The following TENM3 variants were observed in gnomAD, a reference collection of about 807,000 sequenced individuals.
TENM3 encodes the protein teneurin-3.
In TENM3, 63 loss-of-function variants were observed where a neutral mutation model predicts 255.1. That is an observed-to-expected ratio of 0.25 (90% CI 0.20 to 0.30). TENM3 has a LOEUF of 0.30. TENM3 is among the 10% of genes least tolerant of loss of function. TENM3 has a pLI of 1.00. For synonymous variants in TENM3, 1,306 were observed against 1,322.3 expected, an observed-to-expected ratio of 0.99 and a Z score of 0.27; for missense variants, 2,929 against 3,461.1, an observed-to-expected ratio of 0.85 and a Z score of 3.86.
intron 8 of TENM3, 97 bp from the exon 9 acceptor site, chr4:182,680,151 C>A (rs768853313): frequency 1.4e-5 from 13 of 932,948 alleles, no homozygotes; most frequent in Admixed American, 4.1e-5. Flanking sequence ...CTTTACTACT[C>A]AAATTATCTA....
chr4:182,148,601 A>G (rs1750119498), intron 1 of TENM3, among the ~76,000 whole-genome samples: 1 of 152,014 alleles, frequency 6.6e-6, no homozygotes, highest in African/African-American at 2.4e-5. Context: ...TTAACATTCT[A>G]GTTCAGTTTT....
chr4:182,228,673 T>C (rs1756359897), intron 1 of TENM3, among the ~76,000 whole-genome samples: 1 of 152,132 alleles, frequency 6.6e-6, no homozygotes, highest in South Asian at 2.1e-4. Context: ...AGAAAGTTCG[T>C]TAAGAATGCG....
chr4:182,395,471 ATATACTGTCT>A (rs1768743322), intron 3 of TENM3, among the ~76,000 whole-genome samples: 2 of 152,206 alleles, frequency 1.3e-5, no homozygotes, highest in South Asian at 4.1e-4. Context: ...TACTAAATTA[ATATACTGTCT>A]TATAAGTCTA....
chr4:182,621,905 G>A (rs1398195245), intron 4 of TENM3, among the ~76,000 whole-genome samples: 3 of 144,664 alleles, frequency 2.1e-5, no homozygotes, highest in Non-Finnish European at 4.5e-5. Context: ...GGGCTGGGAG[G>A]TCAAGGCTCC....
the TENM3 span, among the ~76,000 whole-genome samples, chr4:181,776,115 C>A: frequency 6.6e-6 from 1 of 152,100 alleles, no homozygotes; most frequent in African/African-American, 2.4e-5. Flanking sequence ...TATCATTCAA[C>A]TTTCTGCTTC....
At chr4:182,251,634 C>T (rs371433453) in intron 1 of TENM3, among the ~76,000 whole-genome samples, 1 of 152,022 alleles carries the variant, frequency 6.6e-6, no homozygotes, top group South Asian at 2.1e-4. Context: ...ATGAGATGGT[C>T]GATTGTTTAG....
At chr4:182,189,777 G>A (rs947424453) in intron 1 of TENM3, among the ~76,000 whole-genome samples, 2 of 152,166 alleles carry the variant, frequency 1.3e-5, no homozygotes, top group South Asian at 4.1e-4. Context: ...CTGCATGAGT[G>A]TGCTCAGATA....
chr4:182,533,095 G>A (rs1370946091), intron 3 of TENM3, among the ~76,000 whole-genome samples: 1 of 152,188 alleles, frequency 6.6e-6, no homozygotes. Flanking sequence ...TCATGGCATT[G>A]TAGCAGGTAA....
chr4:181,699,336 CAG>C, the TENM3 span, among the ~76,000 whole-genome samples: 40 of 147,956 alleles, frequency 2.7e-4, no homozygotes, highest in Admixed American at 1.5e-3. Flanking sequence ...GCAGCTGAGA[CAG>C]GGGGATCCCA....
chr4:181,781,249 C>T, the TENM3 span, among the ~76,000 whole-genome samples: 7 of 152,136 alleles, frequency 4.6e-5, no homozygotes, highest in African/African-American at 1.7e-4. Flanking sequence ...TCTTCCTATC[C>T]GTGAGCATGG....
At chr4:182,161,738 AATATATGTGTATATATATAC>A (rs1751255464) in intron 1 of TENM3, among the ~76,000 whole-genome samples, 2 of 42,568 alleles carry the variant, frequency 4.7e-5, no homozygotes, top group South Asian at 6.2e-4. Context: ...TATATACACA[AATATATGTGTATATATATAC>A]ATATATATGT....
the TENM3 span, among the ~76,000 whole-genome samples, chr4:181,598,663 T>C: frequency 6.6e-6 from 1 of 151,410 alleles, no homozygotes; most frequent in Middle Eastern, 3.4e-3. Context: ...TAACATATCC[T>C]GATTTCATCA....
Position 182,789,419 on chromosome 4 carries a change from G to C in TENM3, c.5601+30G>C. ...GCCTGCAAACTAAGCTCAACAATAG[G>C]GAAAGGATAATTCACATTTTTCAGC... On this transcript the variant is annotated intron_variant, in intron 25 of 27. Transcript: ENST00000511685. This position sits in a 1 kb window ranked among gnomAD's most constrained non-coding sequence, Gnocchi z 4.4. 6.3e-7 allele frequency: 1 copy of C among 1,584,406 alleles called. No homozygotes were observed. Among genetic ancestry groups the C allele is most frequent in the Non-Finnish European group, 8.6e-7 (1 of 1,160,564 alleles).
chr4:182,726,751 C>T (rs547161350), intron 13 of TENM3, among the ~76,000 whole-genome samples: 1 of 152,254 alleles, frequency 6.6e-6, no homozygotes, highest in East Asian at 1.9e-4. Flanking sequence ...AAATGACCTG[C>T]TGAGCCAGGC....
At position 182,525,490 on chromosome 4, in the gene TENM3, C is replaced by CT. The variant is rs536375072; in HGVS notation, c.512-75431dup. 8.9e-4 allele frequency among the ~76,000 whole-genome samples: 135 copies of CT among 152,326 alleles called. No individual in the cohort carries two copies. In the Middle Eastern group the frequency reaches 0.01, roughly 12 times the overall value. ...CCTATCTGACTTCAAAGACCAAACA[C>CT]TTTCCATCACACTATGCTTTCTCTC... On this transcript the variant is annotated intron_variant, in intron 3 of 27. Coordinates refer to ENST00000511685, the MANE Select transcript of TENM3 (RefSeq NM_001080477.4).
At chr4:182,090,013 AAAT>A in the TENM3 span, among the ~76,000 whole-genome samples, 7 of 152,322 alleles carry the variant, frequency 4.6e-5, no homozygotes, top group African/African-American at 1.7e-4. Flanking sequence ...ACAAAAAATA[AAAT>A]AATTATTTTC....
intron 19 of TENM3, among the ~76,000 whole-genome samples, chr4:182,745,413 AAGAC>A (rs1420191763): frequency 2.0e-5 from 3 of 152,370 alleles, no homozygotes; most frequent in African/African-American, 4.8e-5. Context: ...GAAAAGAGGA[AAGAC>A]AGACAGGTTG....
At chr4:182,094,022 A>G in the TENM3 span, among the ~76,000 whole-genome samples, 1 of 152,128 alleles carries the variant, frequency 6.6e-6, no homozygotes, top group Non-Finnish European at 1.5e-5. Context: ...GACCCACAGG[A>G]ATCACAGTGA....
chr4:181,989,353 T>C, the TENM3 span, among the ~76,000 whole-genome samples: 1 of 152,068 alleles, frequency 6.6e-6, no homozygotes, highest in South Asian at 2.1e-4. Context: ...GAGAGCTGGC[T>C]TTAGCTGCTG....
Sources: gnomAD v4.1 joint callset for allele counts (sites outside exome capture counted in the v4.1 genomes callset) on GRCh38, gnomAD v4.1.1 for gene constraint, Gnocchi (gnomAD v3.1) non-coding constraint, MANE v1.5 for transcripts, NCBI Gene and HGNC (gene_info 2026-07-23, HGNC 2026-07-21) for gene names.